The following ADAMTSL1 variants were observed in gnomAD, a reference collection of about 807,000 sequenced individuals.
ADAMTSL1 encodes ADAMTS-like protein 1.
A neutral mutation model predicts 201.8 loss-of-function variants in ADAMTSL1; 126 were observed. The observed-to-expected ratio is 0.62, with a 90% CI of 0.54 to 0.72. The LOEUF (loss-of-function observed/expected upper bound fraction) is 0.72, where lower values mean the gene tolerates loss of function less well. ADAMTSL1 is among the 30% of genes least tolerant of loss of function. The pLI is 0.00. For missense variants in ADAMTSL1, 2,679 were observed against 2,277.8 expected, an observed-to-expected ratio of 1.18 and a Z score of -3.59; for synonymous variants, 1,121 against 903.4, an observed-to-expected ratio of 1.24 and a Z score of -4.32.
intron 2 of ADAMTSL1, among the ~76,000 whole-genome samples, chr9:18,365,220 A>G (rs942475683): frequency 6.6e-6 from 1 of 152,180 alleles, no homozygotes; most frequent in Non-Finnish European, 1.5e-5. Flanking sequence ...TGGAATACTT[A>G]CCATTGAAGC....
At chr9:18,896,291 C>T (rs575432054) in intron 26 of ADAMTSL1, among the ~76,000 whole-genome samples, 1 of 152,192 alleles carries the variant, frequency 6.6e-6, no homozygotes, top group South Asian at 2.1e-4. Context: ...TCTTAAGAAA[C>T]AAAGAGGGAA....
At chr9:18,549,240 A>G (rs555616471) in intron 3 of ADAMTSL1, among the ~76,000 whole-genome samples, 89 of 152,172 alleles carry the variant, frequency 5.8e-4, no homozygotes, top group African/African-American at 2.1e-3. Flanking sequence ...GAAAAGACAG[A>G]GTACCCACAA....
intron 2 of ADAMTSL1, among the ~76,000 whole-genome samples, chr9:18,409,052 T>A (rs111904980): frequency 6.6e-6 from 1 of 152,082 alleles, no homozygotes; most frequent in African/African-American, 2.4e-5. Context: ...GGAATATTAT[T>A]GATCATGTAA....
At chr9:18,823,757 G>C (rs1230909297) in intron 21 of ADAMTSL1, among the ~76,000 whole-genome samples, 1 of 152,218 alleles carries the variant, frequency 6.6e-6, no homozygotes, top group Admixed American at 6.5e-5. Context: ...GGAAGGCCAA[G>C]GCAGGTGGAT....
intron 23 of ADAMTSL1, among the ~76,000 whole-genome samples, chr9:18,859,495 G>A (rs1865268): frequency 0.8 from 121,836 of 152,236 alleles, 48,949 homozygotes; most frequent in African/African-American, 0.89. Context: ...CATAGGTTTC[G>A]GGGATTAGGG....
At chr9:18,613,110 A>G (rs1392495138) in intron 4 of ADAMTSL1, among the ~76,000 whole-genome samples, 1 of 152,234 alleles carries the variant, frequency 6.6e-6, no homozygotes, top group Admixed American at 6.5e-5. Context: ...ATATGGAAAA[A>G]AAGCTCAACA....
chr9:18,617,170 C>G (rs927729418), intron 4 of ADAMTSL1, among the ~76,000 whole-genome samples: 3 of 152,164 alleles, frequency 2.0e-5, no homozygotes, highest in Non-Finnish European at 2.9e-5. Context: ...TATGGGAAAC[C>G]ATTTGAAATG....
chr9:18,717,971 C>T (rs547408884), intron 14 of ADAMTSL1: 46 of 1,562,262 alleles, frequency 2.9e-5, no homozygotes, highest in East Asian at 4.5e-5. Flanking sequence ...GCACTTAGTA[C>T]ATTAAAGCAG....
chr9:18,815,385 A>G (rs1317088222), intron 20 of ADAMTSL1, among the ~76,000 whole-genome samples: 1 of 151,896 alleles, frequency 6.6e-6, no homozygotes, highest in African/African-American at 2.4e-5. Context: ...CATTAAAAAA[A>G]AAAAAGAAAA....
chr9:18,566,073 A>G (rs1159842592), intron 3 of ADAMTSL1, among the ~76,000 whole-genome samples: 1 of 152,226 alleles, frequency 6.6e-6, no homozygotes, highest in Non-Finnish European at 1.5e-5. Flanking sequence ...TTCAGAAACT[A>G]GGCAAGACTC....
At chr9:18,138,000 A>G (rs899165680) in intron 1 of ADAMTSL1, among the ~76,000 whole-genome samples, 3 of 152,154 alleles carry the variant, frequency 2.0e-5, no homozygotes, top group African/African-American at 7.2e-5. Context: ...AACTCTCCAG[A>G]AGCCCTGAGA....
intron 4 of ADAMTSL1, 180 bp downstream of exon 4, chr9:18,574,446 C>T (rs1038354934): frequency 1.9e-5 from 13 of 681,558 alleles, no homozygotes; most frequent in Admixed American, 7.3e-5. Flanking sequence ...TTGTATTGTG[C>T]GAAGGAAAAG....
chr9:18,848,400 A>G (rs1826268617), intron 23 of ADAMTSL1, among the ~76,000 whole-genome samples: 1 of 152,230 alleles, frequency 6.6e-6, no homozygotes, highest in Admixed American at 6.5e-5. Flanking sequence ...GAATATTTTA[A>G]TCTGACATTC....
At chr9:18,625,819 C>G (rs1232197162) in intron 5 of ADAMTSL1, among the ~76,000 whole-genome samples, 2 of 152,192 alleles carry the variant, frequency 1.3e-5, no homozygotes, top group Admixed American at 6.5e-5. Context: ...TCCTAAAGCT[C>G]TCTCTCTACC....
At chr9:18,586,348 A>G (rs1304787588) in intron 4 of ADAMTSL1, among the ~76,000 whole-genome samples, 4 of 152,204 alleles carry the variant, frequency 2.6e-5, no homozygotes, top group African/African-American at 4.8e-5. Context: ...AATTCCCACA[A>G]AAAGAATAAA....
intron 1 of ADAMTSL1, among the ~76,000 whole-genome samples, chr9:18,477,555 G>A (rs566319966): frequency 6.6e-6 from 1 of 152,168 alleles, no homozygotes; most frequent in Non-Finnish European, 1.5e-5. Context: ...ACCGCGGCCT[G>A]TTCCAGCAGC....
At chr9:18,189,096 C>T (rs1317724763) in intron 2 of ADAMTSL1, among the ~76,000 whole-genome samples, 2 of 152,172 alleles carry the variant, frequency 1.3e-5, no homozygotes, top group African/African-American at 2.4e-5. Context: ...CTAAGTAAAT[C>T]GTTTATATTT....
At chr9:18,354,396 A>G (rs576762894) in intron 2 of ADAMTSL1, among the ~76,000 whole-genome samples, 3 of 152,300 alleles carry the variant, frequency 2.0e-5, no homozygotes, top group African/African-American at 7.2e-5. Flanking sequence ...ATAACCCCAT[A>G]TTCCATAAGT....
chr9:18,055,289 C>G (rs572612362), intron 1 of ADAMTSL1, among the ~76,000 whole-genome samples: 156 of 152,288 alleles, frequency 1.0e-3, no homozygotes, highest in Non-Finnish European at 1.7e-3. Context: ...GCCTCACAAA[C>G]AGACTGGTTT....
Sources: gnomAD v4.1 joint callset for allele counts (sites outside exome capture counted in the v4.1 genomes callset) on GRCh38, gnomAD v4.1.1 for gene constraint, MANE v1.5 for transcripts, NCBI Gene and HGNC (gene_info 2026-07-23, HGNC 2026-07-21) for gene names.